DMBT1: variants seen among roughly 807,000 people sequenced by gnomAD.
DMBT1 encodes the protein scavenger receptor cysteine-rich domain-containing protein DMBT1.
In DMBT1, 198 loss-of-function variants were observed where a neutral mutation model predicts 252.9. That is an observed-to-expected ratio of 0.78 (90% CI 0.70 to 0.88). The LOEUF is 0.88. DMBT1 is among the 40% of genes least tolerant of loss of function. The pLI, the probability that DMBT1 is intolerant of heterozygous loss-of-function variation, is 0.00. For synonymous variants in DMBT1, 990 were observed against 942.7 expected, an observed-to-expected ratio of 1.05 and a Z score of -0.92; for missense variants, 2,432 against 2,404.7, an observed-to-expected ratio of 1.01 and a Z score of -0.24.
At chr10:122,600,130 T>G (rs2133611098) in intron 27 of DMBT1, 37 bp downstream of exon 27, 3 of 1,600,606 alleles carry the variant, frequency 1.9e-6, no homozygotes, top group African/African-American at 2.8e-5. Context: ...ATGTCCCTTC[T>G]CTTTCTGCCC....
Position 122,589,047 on chromosome 10 carries a change from C to G in DMBT1, c.1887C>G (p.Asp629Glu), listed in dbSNP as rs1276571720. The stretch of plus-strand genomic sequence containing the variant: ...GCTCTTGGGGCACCGTGTGTGATGA[C>G]AGCTGGGACACCAATGATGCCAATG... ...YRGSWGTVCD[D>E]SWDTNDANVV... The change falls in exon 17 of 56, where the codon GAC becomes GAG. Residue 629 changes from aspartate (D) to glutamate (E), a missense_variant. Around this residue, in one of 3 missense-constraint regions of DMBT1, gnomAD observed 1,264 missense variants for 1,082.2 expected, o/e 1.17. Coordinates refer to ENST00000338354, the MANE Select transcript of DMBT1 (RefSeq NM_001377530.1). 6.3e-7 allele frequency: 1 copy of G among 1,588,860 alleles called. No homozygotes were observed. The highest frequency in any genetic ancestry group is 1.7e-5 in the Admixed American group (1 of 59,574).
At chr10:122,622,107 T>G (rs1330588109) in intron 44 of DMBT1, among the ~76,000 whole-genome samples, 1 of 152,210 alleles carries the variant, frequency 6.6e-6, no homozygotes, top group Non-Finnish European at 1.5e-5. Flanking sequence ...TTTGGTTCAA[T>G]TGGACATCAC....
chr10:122,576,536 A>T lies in DMBT1; in HGVS notation c.421A>T (p.Arg141Trp). 1 of 1,613,964 alleles carries T rather than the reference A, an allele frequency of 6.2e-7. No homozygotes were observed. Among genetic ancestry groups the T allele is most frequent in the Non-Finnish European group, 8.5e-7 (1 of 1,179,884 alleles). The change falls in exon 7 of 56, where the codon AGG becomes TGG. Residue 141 changes from arginine to tryptophan, a missense_variant. Transcript: ENST00000338354. ...WDTNDANVVCRQLGCGWAMSA... is the reference protein window; with the variant it reads ...WDTNDANVVCWQLGCGWAMSA... ...CACCAATGATGCCAACGTGGTCTGT[A>T]GGCAGCTGGGTTGTGGCTGGGCCAT...
intron 8 of DMBT1, 80 bp from the exon 9 acceptor site, chr10:122,578,638 C>G: frequency 8.0e-7 from 1 of 1,247,392 alleles, no homozygotes; most frequent in South Asian, 1.3e-5. Context: ...ACAGTGCTTG[C>G]CTGGTCCAGA....
chr10:122,624,774 T>C (rs1310919270), intron 44 of DMBT1, among the ~76,000 whole-genome samples: 1 of 152,226 alleles, frequency 6.6e-6, no homozygotes, highest in Non-Finnish European at 1.5e-5. Context: ...GAGTCCTAAC[T>C]GTGGAGCTGC....
intron 2 of DMBT1, among the ~76,000 whole-genome samples, chr10:122,566,241 A>G (rs773917214): frequency 6.6e-5 from 10 of 152,192 alleles, no homozygotes; most frequent in Non-Finnish European, 8.8e-5. Context: ...CATTTATCAG[A>G]TGAGGTTAGT....
intron 5 of DMBT1, 125 bp downstream of exon 5, chr10:122,572,486 T>C: frequency 7.5e-7 from 1 of 1,329,068 alleles, no homozygotes; most frequent in Non-Finnish European, 1.1e-6. Context: ...GCTCAGGTAG[T>C]GTGGATATCA....
Position 122,578,764 on chromosome 10 carries a change from AG to A in DMBT1, c.679+6del. 1 of 1,606,382 alleles carries A rather than the reference AG, an allele frequency of 6.2e-7. No individual in the cohort carries two copies. ...CACCACCTGTACCCACAGAAGGTAA[AG>A]AATCCTCTCAACACTCCCTGGGGCT... On this transcript the variant is annotated splice_donor_region_variant and intron_variant, in intron 9 of 55. Transcript: ENST00000338354.
intron 45 of DMBT1, among the ~76,000 whole-genome samples, 160 bp from the exon 46 acceptor site, chr10:122,625,773 C>T (rs1591518258): frequency 6.6e-6 from 1 of 152,254 alleles, no homozygotes; most frequent in Non-Finnish European, 1.5e-5. Flanking sequence ...GTGCTACATA[C>T]TCTAGACCTT....
chr10:122,624,654 TG>T (rs1338612983), intron 44 of DMBT1, among the ~76,000 whole-genome samples: 1 of 152,146 alleles, frequency 6.6e-6, no homozygotes, highest in African/African-American at 2.4e-5. Flanking sequence ...GACGCCAATG[TG>T]GTCTGCAGGC....
Position 122,579,747 on chromosome 10 carries a change from C to A in DMBT1, c.849C>A (p.Ala283=). ...RQLGCGWAMS[A]PGNAQFGQGS... Reference sequence around the variant, plus strand: ...TGGGCTGTGGCTGGGCCATGTCAGCCCCAGGAAATGCCCAGTTTGGCCAGG... The same window carrying A: ...TGGGCTGTGGCTGGGCCATGTCAGCACCAGGAAATGCCCAGTTTGGCCAGG... The change falls in exon 10 of 56, where the codon GCC becomes GCA. Residue 283 remains alanine, a synonymous_variant. Coordinates refer to ENST00000338354, the MANE Select transcript of DMBT1 (RefSeq NM_001377530.1). 6.2e-7 allele frequency: 1 copy of A among 1,613,766 alleles called. No homozygotes were observed. Among genetic ancestry groups the A allele is most frequent in the East Asian group, 2.2e-5 (1 of 44,850 alleles).
Position 122,580,347 on chromosome 10 carries a change from G to T in DMBT1, c.1003+446G>T, listed in dbSNP as rs2133556826. Among the ~76,000 whole-genome samples, 5 of 152,328 alleles carry T rather than the reference G, an allele frequency of 3.3e-5. 2 individuals are homozygous for T. The East Asian group carries it at 5.8e-4, about 18-fold the overall frequency. On this transcript the variant is annotated intron_variant, in intron 10 of 55. Coordinates refer to ENST00000338354, the MANE Select transcript of DMBT1 (RefSeq NM_001377530.1). ...GGAGGTCTGGAAATAGAGGCTCAAG[G>T]GTTAGGAGTGCAAATGGGTGTCTGT... is the stretch of plus-strand genomic sequence containing the variant.
chr10:122,627,355 AAC>A (rs139009577), intron 46 of DMBT1, among the ~76,000 whole-genome samples: 18 of 150,546 alleles, frequency 1.2e-4, no homozygotes, highest in African/African-American at 1.5e-4. Context: ...CACACACACA[AAC>A]ACACACACAC....
chr10:122,592,804 C>T (rs1400085083), intron 20 of DMBT1, among the ~76,000 whole-genome samples: 2 of 148,708 alleles, frequency 1.3e-5, no homozygotes, highest in Non-Finnish European at 3.0e-5. Flanking sequence ...CAAACTGAAA[C>T]AACAACCCAG....
At chr10:122,590,758 A>G in intron 18 of DMBT1, 64 bp downstream of exon 18, 3 of 1,547,978 alleles carry the variant, frequency 1.9e-6, no homozygotes, top group Non-Finnish European at 2.7e-6. Context: ...CCTTTTTCCC[A>G]TTCCACAGAG....
In DMBT1 at chr10:122,588,861, G is replaced by A. The variant is rs1482148087; in HGVS notation, c.1784-83G>A. On this transcript the variant is annotated intron_variant, in intron 16 of 55. Transcript: ENST00000338354. The stretch of plus-strand genomic sequence containing the variant: ...CCTGCCCAGGTGACTTTGGCCATTA[G>A]GAAGTGCCCTGAGTGTGGAATGTGC... 16 of 1,570,472 alleles carry A rather than the reference G, an allele frequency of 1.0e-5. 1 individual carries two copies. Among genetic ancestry groups the A allele is most frequent in the Non-Finnish European group, 1.4e-5 (16 of 1,156,278 alleles).
At chr10:122,565,339 C>T (rs1293111798) in intron 1 of DMBT1, among the ~76,000 whole-genome samples, 1 of 152,090 alleles carries the variant, frequency 6.6e-6, no homozygotes, top group African/African-American at 2.4e-5. Flanking sequence ...TAAATACTCT[C>T]TCTGATCTTT....
At chr10:122,576,831 A>G in intron 7 of DMBT1, 109 bp downstream of exon 7, 1 of 1,369,298 alleles carries the variant, frequency 7.3e-7, no homozygotes, top group Non-Finnish European at 1.0e-6. Flanking sequence ...GTTCAAGACC[A>G]GCTCTAGGCA....
intron 6 of DMBT1, among the ~76,000 whole-genome samples, 198 bp from the exon 7 acceptor site, chr10:122,576,201 T>C (rs899776645): frequency 1.3e-5 from 2 of 152,180 alleles, no homozygotes; most frequent in African/African-American, 2.4e-5. Flanking sequence ...GCTGAAGCTC[T>C]AAGGCTTGGG....
Sources: allele counts gnomAD v4.1 joint callset (sites outside exome capture counted in the v4.1 genomes callset), GRCh38; gene constraint gnomAD v4.1.1; regional missense constraint gnomAD v4.1.1; transcripts MANE v1.5; gene names NCBI Gene and HGNC (gene_info 2026-07-23, HGNC 2026-07-21).